FAM163A: variants seen among roughly 807,000 people sequenced by gnomAD.
The protein encoded by FAM163A is family with sequence similarity 163 member A.
Under a neutral mutation model 12.0 loss-of-function variants are expected in FAM163A, and 7 were observed. The ratio of observed to expected loss-of-function variants is 0.58; its 90% CI spans 0.33 to 1.10. FAM163A has a LOEUF of 1.10. Ranked by LOEUF, FAM163A falls within the 50% of genes least tolerant of loss-of-function variation. The pLI is 0.03. For missense variants in FAM163A, 202 were observed against 218.6 expected (o/e 0.92, Z 0.48); for synonymous variants, 101 against 91.0 (o/e 1.11, Z -0.62).
At chr1:179,752,188 G>A (rs1415496244) in intron 1 of FAM163A, among the ~76,000 whole-genome samples, 2 of 152,066 alleles carry the variant, frequency 1.3e-5, no homozygotes, top group African/African-American at 4.8e-5. Flanking sequence ...CCAAGAATAC[G>A]CAAAGTGGAA....
chr1:179,808,943 C>T (rs778337683), intron 2 of FAM163A, among the ~76,000 whole-genome samples: 30 of 152,222 alleles, frequency 2.0e-4, no homozygotes, highest in Non-Finnish European at 3.4e-4. Flanking sequence ...CTAAACTGTA[C>T]CATTAGTACA....
the FAM163A span, among the ~76,000 whole-genome samples, chr1:179,733,756 C>G: frequency 6.6e-6 from 1 of 152,132 alleles, no homozygotes; most frequent in African/African-American, 2.4e-5. Flanking sequence ...CCCACACATC[C>G]ACAAATTCAC....
intron 1 of FAM163A, among the ~76,000 whole-genome samples, chr1:179,763,105 G>C (rs915873188): frequency 2.6e-5 from 4 of 152,186 alleles, no homozygotes; most frequent in Non-Finnish European, 5.9e-5. Context: ...AGAAGGGTGT[G>C]GGGGAGGCCA....
At position 179,813,951 on chromosome 1, in the gene FAM163A, G is replaced by A; in HGVS notation, c.266G>A (p.Gly89Glu). Residue 89 changes from glycine (G) to glutamate (E), a missense_variant, in exon 5 of 5, where the codon GGG (glycine) becomes GAG (glutamate). Physicochemically the swap from Gly to Glu is moderately conservative, Grantham distance 98. Transcript: ENST00000341785. ...LTSEPCSQPC[G>E]VAASHCTTCS... The stretch of plus-strand genomic sequence containing the variant: ...AGCGAGCCCTGCAGCCAGCCCTGTG[G>A]GGTGGCCGCGAGCCACTGCACTACC... 6.2e-7 allele frequency: 1 copy of A among 1,613,372 alleles called. No individual in the cohort carries two copies. The highest frequency in any genetic ancestry group is 8.5e-7 in the Non-Finnish European group (1 of 1,179,800).
chr1:179,754,131 T>C (rs1685678888), intron 1 of FAM163A, among the ~76,000 whole-genome samples: 1 of 151,550 alleles, frequency 6.6e-6, no homozygotes, highest in Non-Finnish European at 1.5e-5. Context: ...CACCAGTCTC[T>C]TTTTTTTTCT....
At chr1:179,762,195 A>G (rs1686911656) in intron 1 of FAM163A, among the ~76,000 whole-genome samples, 1 of 152,258 alleles carries the variant, frequency 6.6e-6, no homozygotes, top group Non-Finnish European at 1.5e-5. Flanking sequence ...GGGAGAGATA[A>G]TCATGTTAGA....
chr1:179,751,561 G>A (rs1445673481), intron 1 of FAM163A, among the ~76,000 whole-genome samples: 3 of 152,106 alleles, frequency 2.0e-5, no homozygotes, highest in Non-Finnish European at 2.9e-5. Flanking sequence ...AGAAATGGAG[G>A]CTGCACGTAT....
chr1:179,763,163 CA>C (rs780011577), intron 1 of FAM163A, among the ~76,000 whole-genome samples: 9 of 152,164 alleles, frequency 5.9e-5, no homozygotes, highest in Non-Finnish European at 1.3e-4. Flanking sequence ...GTCTGTTATG[CA>C]GATGTAAGCC....
At chr1:179,762,960 GA>G (rs1423840842) in intron 1 of FAM163A, among the ~76,000 whole-genome samples, 6 of 152,152 alleles carry the variant, frequency 3.9e-5, no homozygotes, top group African/African-American at 7.2e-5. Flanking sequence ...ATCGACAGGA[GA>G]AAAACAAATA....
At chr1:179,771,794 C>T (rs1044553513) in intron 1 of FAM163A, among the ~76,000 whole-genome samples, 2 of 152,024 alleles carry the variant, frequency 1.3e-5, no homozygotes, top group African/African-American at 4.8e-5. Context: ...ATCACAAATC[C>T]TCAGTCATCT....
chr1:179,806,804 A>G (rs1171451824), intron 1 of FAM163A, among the ~76,000 whole-genome samples: 2 of 152,090 alleles, frequency 1.3e-5, no homozygotes, highest in African/African-American at 4.8e-5. Context: ...GTGGTTATTT[A>G]AAGATCAACA....
chr1:179,778,376 G>T (rs535324321), intron 1 of FAM163A, among the ~76,000 whole-genome samples: 4 of 152,110 alleles, frequency 2.6e-5, no homozygotes, highest in African/African-American at 9.7e-5. Flanking sequence ...CAGTTCCACC[G>T]ACCCCAAGCA....
upstream of FAM163A, among the ~76,000 whole-genome samples, chr1:179,741,583 T>C (rs1683648931): frequency 6.6e-6 from 1 of 152,228 alleles, no homozygotes; most frequent in Non-Finnish European, 1.5e-5. Flanking sequence ...TACAAGGGAA[T>C]ATTAAGTAGC....
intron 1 of FAM163A, among the ~76,000 whole-genome samples, chr1:179,752,687 G>C (rs1466225994): frequency 6.6e-6 from 1 of 152,092 alleles, no homozygotes; most frequent in Admixed American, 6.5e-5. Context: ...CAACAGCATA[G>C]GAAAAGATGC....
At chr1:179,794,484 C>T (rs866404143) in intron 1 of FAM163A, among the ~76,000 whole-genome samples, 21 of 152,214 alleles carry the variant, frequency 1.4e-4, no homozygotes, top group African/African-American at 5.1e-4. Context: ...GGATTTTAAA[C>T]TAGCATCCTG....
chr1:179,800,621 G>A lies in FAM163A; in HGVS notation c.-135-7177G>A, dbSNP rs61826277. ...AGGACAGGCCATGTTTTCTCTCCGC[G>A]TCCCCTCCTGTGAGCTCCTTGAGGG... On this transcript the variant is annotated intron_variant, in intron 1 of 4. Transcript: ENST00000341785. Among the ~76,000 whole-genome samples the A allele has an allele frequency of 1.2e-3, 182 of 152,306 alleles. 1 individual carries two copies. Among genetic ancestry groups the A allele is most frequent in the Middle Eastern group, 3.4e-3 (1 of 294 alleles).
upstream of FAM163A, among the ~76,000 whole-genome samples, chr1:179,740,538 T>G (rs996061113): frequency 2.0e-5 from 3 of 152,068 alleles, no homozygotes; most frequent in African/African-American, 4.8e-5. Context: ...CATGAAATAC[T>G]ACAAGAAAAA....
intron 1 of FAM163A, among the ~76,000 whole-genome samples, chr1:179,778,894 C>T (rs148971416): frequency 6.6e-6 from 1 of 152,250 alleles, no homozygotes; most frequent in East Asian, 1.9e-4. Context: ...CAGACACAGA[C>T]CTAATAGAGG....
chr1:179,782,073 G>A (rs947333985), intron 1 of FAM163A, among the ~76,000 whole-genome samples: 1 of 152,086 alleles, frequency 6.6e-6, no homozygotes, highest in East Asian at 1.9e-4. Flanking sequence ...TGGAGAAGGC[G>A]CCTCTACCAG....
Sources: gnomAD v4.1 joint callset for allele counts (sites outside exome capture counted in the v4.1 genomes callset) on GRCh38, gnomAD v4.1.1 for gene constraint, MANE v1.5 for transcripts, NCBI Gene and HGNC (gene_info 2026-07-23, HGNC 2026-07-21) for gene names.